The following ATAD5 variants were observed in gnomAD, a reference collection of about 807,000 sequenced individuals.
ATAD5 encodes ATPase family AAA domain containing 5, also known as ATPase family AAA domain-containing protein 5.
Under a neutral mutation model 176.9 loss-of-function variants are expected in ATAD5, and 58 were observed. The ratio of observed to expected loss-of-function variants is 0.33; its 90% CI spans 0.27 to 0.41. The LOEUF (loss-of-function observed/expected upper bound fraction) is 0.41, where lower values mean the gene tolerates loss of function less well. ATAD5 is among the 10% of genes least tolerant of loss of function. ATAD5 has a pLI of 1.00. For synonymous variants in ATAD5, 640 were observed against 712.6 expected (o/e 0.90, Z 1.62); for missense variants, 1,789 against 2,094.1 (o/e 0.85, Z 2.84).
intron 18 of ATAD5, among the ~76,000 whole-genome samples, chr17:30,880,147 A>G (rs1362194270): frequency 6.6e-6 from 1 of 151,116 alleles, no homozygotes; most frequent in Non-Finnish European, 1.5e-5. Context: ...ACACAAAAAT[A>G]CAAAAAATTA....
At position 30,894,699 on chromosome 17, in the gene ATAD5, A is replaced by T. The variant is rs1168995465; in HGVS notation, c.5433A>T (p.Lys1811Asn). ...ACATCTGTAAGACTGAGAAGCTAAA[A>T]GAACAAGGAAAAAGTAAAAGAAGGT... ...LRNICKTEKL[K>N]EQGKSKRRFL... The change falls in exon 22 of 23, where the codon AAA becomes AAT. Residue 1811 changes from lysine to asparagine, a missense_variant. Lys to Asn is a moderately conservative substitution (Grantham distance 94). This residue lies in a region of ATAD5 where 403 missense variants were observed against 495.1 expected (regional missense o/e 0.81). Transcript: ENST00000321990. 1 of 1,608,650 alleles carries T rather than the reference A, an allele frequency of 6.2e-7. No homozygotes were observed. Among genetic ancestry groups the T allele is most frequent in the East Asian group, 2.2e-5 (1 of 44,790 alleles).
intron 6 of ATAD5, among the ~76,000 whole-genome samples, chr17:30,850,056 A>T (rs1906772712): frequency 6.6e-6 from 1 of 152,104 alleles, no homozygotes; most frequent in African/African-American, 2.4e-5. Context: ...CAGGAGGATC[A>T]CATGAGCCTG....
At chr17:30,833,297 T>C (rs1905493151) in intron 1 of ATAD5, among the ~76,000 whole-genome samples, 1 of 152,210 alleles carries the variant, frequency 6.6e-6, no homozygotes, top group Non-Finnish European at 1.5e-5. Context: ...GATTTCTATG[T>C]GGTCTGTTTT....
At chr17:30,853,885 G>A (rs1334750936) in intron 6 of ATAD5, among the ~76,000 whole-genome samples, 1 of 150,886 alleles carries the variant, frequency 6.6e-6, no homozygotes, top group Non-Finnish European at 1.5e-5. Flanking sequence ...AGAAGTTCTT[G>A]TATTAACTTT....
At chr17:30,867,370 A>C (rs1286700533) in intron 11 of ATAD5, among the ~76,000 whole-genome samples, 1 of 152,176 alleles carries the variant, frequency 6.6e-6, no homozygotes, top group Non-Finnish European at 1.5e-5. Context: ...CCTACACTCC[A>C]GTGACAAAGC....
chr17:30,879,309 A>C (rs1382472257), intron 17 of ATAD5, 114 bp from the exon 18 acceptor site: 8 of 1,124,476 alleles, frequency 7.1e-6, no homozygotes, highest in Admixed American at 2.2e-5. Context: ...AGCACTAGGC[A>C]GTGGTGGGGA....
At chr17:30,839,634 C>T (rs1197013766) in intron 3 of ATAD5, among the ~76,000 whole-genome samples, 1 of 146,582 alleles carries the variant, frequency 6.8e-6, no homozygotes, top group African/African-American at 2.6e-5. Context: ...GGCTGGAGTG[C>T]AATGGCGCGA....
intron 18 of ATAD5, among the ~76,000 whole-genome samples, chr17:30,886,085 T>A (rs1909307556): frequency 6.6e-6 from 1 of 152,140 alleles, no homozygotes; most frequent in African/African-American, 2.4e-5. Context: ...ATTATCCACT[T>A]TATATATTGA....
In ATAD5 at chr17:30,834,769, A is replaced by G. The variant is rs1597947653; in HGVS notation, c.688A>G (p.Lys230Glu). Residue 230 changes from lysine (K) to glutamate (E), a missense_variant, in exon 2 of 23, where the codon AAA becomes GAA. Lys to Glu is a moderately conservative substitution (Grantham distance 56). Coordinates refer to ENST00000321990, the MANE Select transcript of ATAD5 (RefSeq NM_024857.5). ...CTTGGCAGAGGAACTAAATTTGCTT[A>G]AAAAAGATGGTAAAGATACTAAACA... ...LPLAEELNLL[K>E]KDGKDTKQME... is the part of the protein sequence containing the mutation. The G allele has an allele frequency of 1.2e-6, 2 of 1,614,064 alleles. No individual in the cohort carries two copies.
Position 30,834,950 on chromosome 17 carries a change from G to C in ATAD5, c.869G>C (p.Cys290Ser), listed in dbSNP as rs201709899. ...EEIPDSTMSI[C>S]VPSETVDEIV... ...ATACCAGACTCTACAATGTCAATTT[G>C]TGTTCCTTCTGAAACTGTCGACGAA... Residue 290 changes from cysteine to serine, a missense_variant, in exon 2 of 23, where the codon TGT becomes TCT. Cys to Ser is a moderately radical substitution (Grantham distance 112, BLOSUM62 -1). Coordinates refer to ENST00000321990, the MANE Select transcript of ATAD5 (RefSeq NM_024857.5). 1 of 1,613,760 alleles carries C rather than the reference G, an allele frequency of 6.2e-7. No homozygotes were observed. Among genetic ancestry groups the C allele is most frequent in the East Asian group, 2.2e-5 (1 of 44,868 alleles).
chr17:30,889,166 CTT>C lies in ATAD5; in HGVS notation c.4258+1809_4258+1810del, dbSNP rs34948000. On this transcript the variant is annotated intron_variant, in intron 19 of 22. Transcript: ENST00000321990. ...CTCTTCAAAAGTTTTTCTTTTCTTT[CTT>C]TTTTTTTTTTTTTTGAGGTAGGGTC... Among the ~76,000 whole-genome samples the C allele has an allele frequency of 6.7e-3, 899 of 134,312 alleles. 9 individuals are homozygous for C. Among genetic ancestry groups the C allele is most frequent in the African/African-American group, 0.023 (834 of 36,748 alleles). The allele number at this position is 134,312 out of a possible 152,430, so 88.1% of individuals were successfully genotyped here. A position where few individuals can be genotyped will look rare whatever the true frequency, so the allele number is the denominator to read the frequency against.
At position 30,835,728 on chromosome 17, in the gene ATAD5, T is replaced by G. The variant is rs373026715; in HGVS notation, c.1647T>G (p.Leu549=). The G allele has an allele frequency of 1.2e-6, 2 of 1,612,122 alleles. No individual in the cohort carries two copies. Among genetic ancestry groups the G allele is most frequent in the Non-Finnish European group, 1.7e-6 (2 of 1,179,490 alleles). Residue 549 remains leucine, a synonymous_variant, in exon 2 of 23, where the codon CTT becomes CTG. Coordinates refer to ENST00000321990, the MANE Select transcript of ATAD5 (RefSeq NM_024857.5). ...ATGAAGATATAGCAAATGATGACCT[T>G]CTAAAGGTTTCCTCTCTGTGTAACA... ...LVYEDIANDD[L]LKVSSLCNNN... is the part of the protein sequence containing the mutation.
intron 19 of ATAD5, among the ~76,000 whole-genome samples, chr17:30,890,428 T>TC (rs1567701076): frequency 6.9e-6 from 1 of 145,142 alleles, no homozygotes; most frequent in Non-Finnish European, 1.5e-5. Context: ...CTTTTTTTTT[T>TC]TTTTTTTTTT....
At chr17:30,890,995 A>G (rs1203049798) in intron 19 of ATAD5, among the ~76,000 whole-genome samples, 1 of 152,242 alleles carries the variant, frequency 6.6e-6, no homozygotes, top group Non-Finnish European at 1.5e-5. Flanking sequence ...ATGTACCGTA[A>G]TTTAACCGTT....
intron 1 of ATAD5, among the ~76,000 whole-genome samples, chr17:30,833,469 G>T (rs1264046932): frequency 1.3e-5 from 2 of 152,108 alleles, no homozygotes; most frequent in African/African-American, 2.4e-5. Context: ...TTCTACAAAT[G>T]AAAGAAGGTA....
chr17:30,893,708 A>G lies in ATAD5; in HGVS notation c.4855A>G (p.Asn1619Asp). The change falls in exon 21 of 23, where the codon AAT becomes GAT. Residue 1619 changes from asparagine (N) to aspartate (D), a missense_variant. Transcript: ENST00000321990. ...EESKARDKGN[N>D]PETKKSIPCP... ...AAGCAAAGCCAGAGACAAAGGAAAC[A>G]ATCCAGAGACAAAGAAATCTATTCC... The G allele has an allele frequency of 6.2e-7, 1 of 1,613,654 alleles. No homozygotes were observed. Among genetic ancestry groups the G allele is most frequent in the Middle Eastern group, 1.7e-4 (1 of 6,060 alleles).
Position 30,858,305 on chromosome 17 carries a change from G to T in ATAD5, c.2938G>T (p.Glu980Ter). The T allele has an allele frequency of 6.5e-7, 1 of 1,545,624 alleles. No homozygotes were observed. Among genetic ancestry groups the T allele is most frequent in the South Asian group, 1.3e-5 (1 of 77,568 alleles). The change falls in exon 9 of 23, where the codon GAG (glutamate) becomes TAG (stop). Residue 980 changes from glutamate (E) to a stop codon, truncating the protein, a stop_gained. Transcript: ENST00000321990. LOFTEE classifies it high-confidence loss of function. ...KQIEHQVLSS[E>*]CHSKQELEAD... ...AATTGAGCACCAAGTACTTTCTTCC[G>T]AGTGTCATAGTAAACAAGGTTAGTG...
At chr17:30,894,539 T>G (rs776348021) in intron 21 of ATAD5, 25 bp from the exon 22 acceptor site, 12 of 1,581,554 alleles carry the variant, frequency 7.6e-6, no homozygotes, top group Non-Finnish European at 1.0e-5. Flanking sequence ...CATTAAAAAT[T>G]AAAAACAATG....
At chr17:30,877,898 C>T in intron 16 of ATAD5, 105 bp from the exon 17 acceptor site, 1 of 793,972 alleles carries the variant, frequency 1.3e-6, no homozygotes, top group Non-Finnish European at 2.0e-6. Context: ...ATTCACACTT[C>T]ATAAATTCAT....
Sources: allele counts gnomAD v4.1 joint callset (sites outside exome capture counted in the v4.1 genomes callset), GRCh38; gene constraint gnomAD v4.1.1; regional missense constraint gnomAD v4.1.1; transcripts MANE v1.5; gene names NCBI Gene and HGNC (gene_info 2026-07-23, HGNC 2026-07-21).